Variants in TMEM161B observed in about 807,000 individuals in gnomAD.
TMEM161B encodes the protein transmembrane protein 161B.
In TMEM161B, 34 loss-of-function variants were observed where a neutral mutation model predicts 61.8. The observed-to-expected ratio is 0.55, with a 90% CI of 0.42 to 0.73. The LOEUF (loss-of-function observed/expected upper bound fraction) is 0.73, where lower values mean the gene tolerates loss of function less well. Among genes scored for constraint, TMEM161B ranks in the 30% least tolerant of loss-of-function variants. TMEM161B has a pLI of 0.00. For missense variants in TMEM161B, 456 were observed against 558.5 expected (o/e 0.82, Z 1.85); for synonymous variants, 167 against 192.8 (o/e 0.87, Z 1.11).
At chr5:88,234,975 G>A (rs971615262) in intron 2 of TMEM161B, among the ~76,000 whole-genome samples, 2 of 152,054 alleles carry the variant, frequency 1.3e-5, no homozygotes, top group African/African-American at 4.8e-5. Context: ...TTGGCTACTT[G>A]GTGGCTTTTT....
chr5:88,248,086 T>A (rs1406881701), intron 1 of TMEM161B, among the ~76,000 whole-genome samples: 1 of 152,114 alleles, frequency 6.6e-6, no homozygotes, highest in Non-Finnish European at 1.5e-5. Flanking sequence ...TTGAGAATCA[T>A]CGGTGATATC....
At chr5:88,239,820 T>A (rs899718141) in intron 2 of TMEM161B, among the ~76,000 whole-genome samples, 44 of 152,034 alleles carry the variant, frequency 2.9e-4, no homozygotes, top group Non-Finnish European at 7.4e-5. Context: ...TGACCCTGAA[T>A]GAAAAGCGTA....
chr5:88,242,957 T>A lies in TMEM161B; in HGVS notation c.4-2041A>T, dbSNP rs1328113727. Among the ~76,000 whole-genome samples the A allele has an allele frequency of 2.0e-5, 3 of 151,884 alleles. No individual in the cohort carries two copies. The South Asian group carries it at 6.2e-4, about 31-fold the overall frequency. On this transcript the variant is annotated intron_variant, in intron 1 of 11. Transcript: ENST00000296595. ...TCACCAAAAAGAGCTAATTTACTTATTGGATATTATAGAGATTATAAATTA... is the reference window on the plus strand; with the variant it reads ...TCACCAAAAAGAGCTAATTTACTTAATGGATATTATAGAGATTATAAATTA...
At chr5:88,265,032 C>T (rs954410108) in intron 1 of TMEM161B, among the ~76,000 whole-genome samples, 1 of 152,026 alleles carries the variant, frequency 6.6e-6, no homozygotes, top group Non-Finnish European at 1.5e-5. Flanking sequence ...GCAAAACCAC[C>T]ATGGCACATG....
intron 2 of TMEM161B, among the ~76,000 whole-genome samples, chr5:88,233,144 T>G (rs1451102752): frequency 6.6e-6 from 1 of 152,208 alleles, no homozygotes; most frequent in Non-Finnish European, 1.5e-5. Flanking sequence ...GCAGAGGAGA[T>G]ATAATCACAA....
chr5:88,230,350 C>A (rs911936431), intron 2 of TMEM161B, among the ~76,000 whole-genome samples: 1 of 151,972 alleles, frequency 6.6e-6, no homozygotes, highest in Admixed American at 6.6e-5. Flanking sequence ...CTGAAATGTA[C>A]GCTGGGGGAA....
chr5:88,263,404 T>C (rs570986632), intron 1 of TMEM161B, among the ~76,000 whole-genome samples: 2 of 152,268 alleles, frequency 1.3e-5, no homozygotes, highest in African/African-American at 2.4e-5. Flanking sequence ...GGCATACAGA[T>C]GGTGAATAAA....
exon 13 of TMEM161B, chr5:88,190,003 C>T: frequency 1.4e-6 from 1 of 696,564 alleles, no homozygotes; most frequent in South Asian, 1.5e-5. Flanking sequence ...AACGCCAGCC[C>T]ATTATCTGAG....
intron 5 of TMEM161B, among the ~76,000 whole-genome samples, chr5:88,214,924 G>T (rs1187930451): frequency 6.6e-6 from 1 of 152,200 alleles, no homozygotes; most frequent in Non-Finnish European, 1.5e-5. Context: ...TCAGTTCTAG[G>T]TTTCAGGGTT....
At chr5:88,248,558 C>T (rs575492228) in intron 1 of TMEM161B, among the ~76,000 whole-genome samples, 1 of 152,108 alleles carries the variant, frequency 6.6e-6, no homozygotes, top group Admixed American at 6.5e-5. Flanking sequence ...CTTGCGGTTC[C>T]ATGAGGAAAA....
Position 88,195,178 on chromosome 5 carries a change from G to A in TMEM161B, c.*1033C>T. On this transcript the variant is annotated 3_prime_UTR_variant, in exon 12 of 12. Coordinates refer to ENST00000296595, the MANE Select transcript of TMEM161B (RefSeq NM_153354.5). ...AAAACTTTAAATACACTCACACATAGGCAACACAAATAAATTGCTTACTCT... is the reference window on the plus strand; with the variant it reads ...AAAACTTTAAATACACTCACACATAAGCAACACAAATAAATTGCTTACTCT... 2.0e-6 allele frequency: 2 copies of A among 984,912 alleles called. No homozygotes were observed. Among genetic ancestry groups the A allele is most frequent in the Non-Finnish European group, 1.2e-6 (1 of 829,400 alleles). The allele number at this position is 984,912 out of a possible 1,614,324, so 61.0% of individuals were successfully genotyped here.
chr5:88,201,963 G>C (rs976450782), intron 9 of TMEM161B: 1 of 328,466 alleles, frequency 3.0e-6, no homozygotes, highest in Non-Finnish European at 6.1e-6. Context: ...GGTACACTGC[G>C]GAGTCAATGA....
downstream of TMEM161B, chr5:88,194,924 CA>C (rs1749371253): frequency 6.4e-6 from 1 of 155,722 alleles, no homozygotes; most frequent in African/African-American, 2.4e-5. Context: ...TAAAAGGCAT[CA>C]AAAAGAGTTT....
At chr5:88,192,228 GA>G (rs1480286876), downstream of TMEM161B, among the ~76,000 whole-genome samples, 1 of 151,382 alleles carries the variant, frequency 6.6e-6, no homozygotes. Flanking sequence ...GGAGTGGTGG[GA>G]GGAAAACAAA....
At chr5:88,251,418 A>G (rs917210775) in intron 1 of TMEM161B, among the ~76,000 whole-genome samples, 2 of 152,040 alleles carry the variant, frequency 1.3e-5, no homozygotes, top group Non-Finnish European at 2.9e-5. Flanking sequence ...AGCTCCTCCC[A>G]CAATTCTAAT....
intron 4 of TMEM161B, 92 bp from the exon 5 acceptor site, chr5:88,220,811 A>C (rs1393412784): frequency 1.4e-6 from 2 of 1,395,848 alleles, no homozygotes; most frequent in Non-Finnish European, 1.9e-6. Flanking sequence ...TTTATTTATA[A>C]TTAAAATACG....
intron 9 of TMEM161B, 24 bp from the exon 10 acceptor site, chr5:88,199,174 G>C (rs1371313338): frequency 6.3e-7 from 1 of 1,580,408 alleles, no homozygotes; most frequent in Non-Finnish European, 8.6e-7. Context: ...AGTTGATACG[G>C]TGCTCTCAAA....
At position 88,195,100 on chromosome 5, in the gene TMEM161B, T is replaced by C. The variant is rs1749401723; in HGVS notation, c.*1111A>G. ...ATTTGAGAGGGAAAGATTCTGATTT[T>C]TGGAAATGACAGAAAAAGAATTTTA... On this transcript the variant is annotated 3_prime_UTR_variant, in exon 12 of 12. Coordinates refer to ENST00000296595, the MANE Select transcript of TMEM161B (RefSeq NM_153354.5). 1.0e-6 allele frequency: 1 copy of C among 973,312 alleles called. No homozygotes were observed. Among genetic ancestry groups the C allele is most frequent in the Non-Finnish European group, 1.2e-6 (1 of 818,806 alleles). The allele number at this position is 973,312 out of a possible 1,614,324, so 60.3% of individuals were successfully genotyped here.
At chr5:88,228,606 A>G (rs1334482366) in intron 2 of TMEM161B, 78 bp from the exon 3 acceptor site, 1 of 1,063,682 alleles carries the variant, frequency 9.4e-7, no homozygotes, top group Non-Finnish European at 1.3e-6. Context: ...ATATTTATTA[A>G]GTTTCATATT....
Sources: gnomAD v4.1 joint callset for allele counts (sites outside exome capture counted in the v4.1 genomes callset) on GRCh38, gnomAD v4.1.1 for gene constraint, MANE v1.5 for transcripts, NCBI Gene and HGNC (gene_info 2026-07-23, HGNC 2026-07-21) for gene names.